CAST: variants seen among roughly 807,000 people sequenced by gnomAD.
The protein encoded by CAST is MIR583 host.
A neutral mutation model predicts 119.6 loss-of-function variants in CAST; 76 were observed. That is an observed-to-expected ratio of 0.64 (90% CI 0.53 to 0.77). The LOEUF is 0.77. Ranked by LOEUF, CAST falls within the 30% of genes least tolerant of loss-of-function variation. The probability of loss-of-function intolerance (pLI) is 0.00; values close to 1 mark genes in which losing one functional copy is unlikely to be tolerated. For missense variants in CAST, 953 were observed against 946.5 expected (o/e 1.01, Z -0.09); for synonymous variants, 319 against 331.6 (o/e 0.96, Z 0.41).
At chr5:96,331,911 G>A in the CAST span, among the ~76,000 whole-genome samples, 3 of 152,306 alleles carry the variant, frequency 2.0e-5, no homozygotes, top group African/African-American at 7.2e-5. Context: ...TCATTCATGG[G>A]CCAAAGTTTG....
chr5:96,025,059 G>A, the CAST span, among the ~76,000 whole-genome samples: 1 of 152,174 alleles, frequency 6.6e-6, no homozygotes, highest in South Asian at 2.1e-4. Context: ...ATTTGAGTTT[G>A]ACTGTAATTA....
chr5:96,078,945 G>T, the CAST span, among the ~76,000 whole-genome samples: 1 of 152,034 alleles, frequency 6.6e-6, no homozygotes, highest in Non-Finnish European at 1.5e-5. Context: ...GAGGGTGCTG[G>T]GTGGGAGGCA....
At chr5:96,748,850 C>T (rs1764357348) in intron 19 of CAST, 1 of 374,520 alleles carries the variant, frequency 2.7e-6, no homozygotes. Flanking sequence ...CCATGCCTTC[C>T]TTCTTATCCC....
At chr5:96,299,260 A>G in the CAST span, among the ~76,000 whole-genome samples, 1 of 18,152 alleles carries the variant, frequency 5.5e-5, no homozygotes, top group African/African-American at 7.2e-5. Context: ...AACAACAACA[A>G]CAACAACAAC....
upstream of CAST, among the ~76,000 whole-genome samples, chr5:96,523,285 C>T (rs919011734): frequency 3.3e-5 from 5 of 152,228 alleles, no homozygotes; most frequent in Admixed American, 3.3e-4. Flanking sequence ...CTCTTGCTCC[C>T]CATAGGGATG....
the CAST span, among the ~76,000 whole-genome samples, chr5:96,292,878 A>T: frequency 1.3e-5 from 2 of 152,222 alleles, no homozygotes; most frequent in African/African-American, 4.8e-5. Flanking sequence ...TGTATACATG[A>T]AACAATAAAT....
At chr5:96,489,541 A>AGAG in the CAST span, among the ~76,000 whole-genome samples, 1 of 152,234 alleles carries the variant, frequency 6.6e-6, no homozygotes, top group Admixed American at 6.5e-5. Context: ...AGGAGAGGGT[A>AGAG]GAGGACCCAG....
chr5:96,151,749 C>CT, the CAST span, among the ~76,000 whole-genome samples: 1 of 152,162 alleles, frequency 6.6e-6, no homozygotes, highest in Non-Finnish European at 1.5e-5. Context: ...TATTTTCATT[C>CT]TTTGTGCAGG....
At chr5:96,766,032 A>G (rs200254709) in intron 26 of CAST, 21 bp from the exon 27 acceptor site, 23 of 1,305,214 alleles carry the variant, frequency 1.8e-5, no homozygotes, top group Admixed American at 3.5e-5. Flanking sequence ...TATTAATTCT[A>G]TCTGCTCACT....
chr5:96,637,238 A>G (rs996522192), intron 1 of CAST, among the ~76,000 whole-genome samples: 6 of 152,196 alleles, frequency 3.9e-5, no homozygotes, highest in African/African-American at 1.4e-4. Context: ...TTTCTCAGCT[A>G]ATTTTTGTAG....
the CAST span, among the ~76,000 whole-genome samples, chr5:96,184,833 T>C: frequency 6.6e-6 from 1 of 152,232 alleles, no homozygotes; most frequent in African/African-American, 2.4e-5. Flanking sequence ...CATGTATCTT[T>C]ATAACAGAAT....
intron 2 of CAST, among the ~76,000 whole-genome samples, chr5:96,692,916 C>G (rs1485904779): frequency 6.6e-6 from 1 of 152,064 alleles, no homozygotes; most frequent in Non-Finnish European, 1.5e-5. Context: ...CATAGTTTTC[C>G]CAATGAATGA....
the CAST span, among the ~76,000 whole-genome samples, chr5:96,089,443 G>A: frequency 6.6e-6 from 1 of 152,116 alleles, no homozygotes; most frequent in Non-Finnish European, 1.5e-5. Context: ...GAAAAGGATG[G>A]AAAACAATTT....
At chr5:95,978,990 C>T in the CAST span, among the ~76,000 whole-genome samples, 1 of 152,082 alleles carries the variant, frequency 6.6e-6, no homozygotes, top group Non-Finnish European at 1.5e-5. Flanking sequence ...CTTCATCACT[C>T]CTGTCAGTGA....
At chr5:96,416,057 C>T in the CAST span, 87 of 1,611,164 alleles carry the variant, frequency 5.4e-5, no homozygotes, top group Non-Finnish European at 5.1e-6. Flanking sequence ...TTGTATGCAA[C>T]TCCAACCCCG....
At chr5:96,114,195 A>C in the CAST span, among the ~76,000 whole-genome samples, 2 of 152,222 alleles carry the variant, frequency 1.3e-5, no homozygotes, top group Non-Finnish European at 2.9e-5. Context: ...GGAGACAAAC[A>C]AGAGCAGGAG....
At chr5:96,281,548 G>A in the CAST span, among the ~76,000 whole-genome samples, 72 of 152,202 alleles carry the variant, frequency 4.7e-4, 1 homozygote, top group South Asian at 6.6e-3. Flanking sequence ...AGCAATTCAC[G>A]GCAAGTAAGA....
the CAST span, among the ~76,000 whole-genome samples, chr5:96,279,243 G>A: frequency 2.6e-4 from 39 of 152,244 alleles, no homozygotes; most frequent in East Asian, 5.4e-3. Flanking sequence ...CCATTTGATC[G>A]AAGGTCAGTC....
At chr5:96,620,351 T>C (rs189765759) in intron 1 of CAST, among the ~76,000 whole-genome samples, 4 of 150,822 alleles carry the variant, frequency 2.7e-5, no homozygotes, top group Admixed American at 1.3e-4. Context: ...GGTATAAAAG[T>C]GATACACATT....
Sources: allele counts gnomAD v4.1 joint callset (sites outside exome capture counted in the v4.1 genomes callset), GRCh38; gene constraint gnomAD v4.1.1; transcripts MANE v1.5; gene names NCBI Gene and HGNC (gene_info 2026-07-23, HGNC 2026-07-21).